The following ARSD variants were observed in gnomAD, a reference collection of about 807,000 sequenced individuals.
The protein encoded by ARSD is testis tissue sperm-binding protein Li 39a.
ARSD carries 21 observed loss-of-function variants against 32.6 expected under a neutral mutation model. The observed-to-expected ratio is 0.64, with a 90% CI of 0.46 to 0.93. The LOEUF is 0.93. Among genes scored for constraint, ARSD ranks in the 40% least tolerant of loss-of-function variants. The pLI is 0.00. For synonymous variants in ARSD, 224 were observed against 237.4 expected (o/e 0.94, Z 0.52); for missense variants, 454 against 520.9 (o/e 0.87, Z 1.25).
At chrX:2,914,440 A>T in intron 6 of ARSD, 5 of 557,668 alleles carry the variant, frequency 9.0e-6, no homozygotes, top group Non-Finnish European at 9.1e-6. Flanking sequence ...GCGTCTCACT[A>T]TGTTGCCCAG....
Position 2,925,728 on chromosome X carries a change from G to C in ARSD, c.82C>G (p.Leu28Val). 8.3e-7 allele frequency: 1 copy of C among 1,211,202 alleles called. No homozygotes were observed. Among genetic ancestry groups the C allele is most frequent in the Non-Finnish European group, 1.1e-6 (1 of 895,174 alleles). The change falls in exon 2 of 10, where the codon CTG becomes GTG. Residue 28 changes from leucine to valine, a missense_variant. Transcript: ENST00000381154. ...GCAGTTTTAGGTTCACACGTCTTCA[G>C]AAGCAAGCATAAAAACAGTAGCACC... is the stretch of plus-strand genomic sequence containing the variant. ...LPVLLFLCLL[L>V]KTCEPKTANA... is the part of the protein sequence containing the mutation.
rs191553560 is a variant in ARSD at position 2,912,197 on chromosome X, A to G, written c.1001-1404T>C. On this transcript the variant is annotated intron_variant, in intron 6 of 9. Coordinates refer to ENST00000381154, the MANE Select transcript of ARSD (RefSeq NM_001669.4). ...TTAAGTCTGATAAGAAACATTTACC[A>G]TGTATTCTCTCTGAAGCCTGCTACC... 9.8e-5 allele frequency among the ~76,000 whole-genome samples: 11 copies of G among 111,863 alleles called. No individual in the cohort carries two copies. The East Asian group carries it at 3.1e-3, about 31-fold the overall frequency.
intron 5 of ARSD, among the ~76,000 whole-genome samples, chrX:2,917,283 G>A (rs1379723986): frequency 9.2e-6 from 1 of 109,269 alleles, no homozygotes; most frequent in Non-Finnish European, 1.9e-5. Context: ...ATCCAATGGC[G>A]TGTATGTCAA....
chrX:2,909,532 A>G (rs1023942751), intron 8 of ARSD, among the ~76,000 whole-genome samples: 1 of 109,203 alleles, frequency 9.2e-6, no homozygotes, highest in Non-Finnish European at 1.9e-5. Context: ...ACATGGCCAC[A>G]TGGGTAAAGG....
At chrX:2,910,844 C>A in intron 6 of ARSD, 51 bp from the exon 7 acceptor site, 1 of 1,172,103 alleles carries the variant, frequency 8.5e-7, no homozygotes, top group Non-Finnish European at 1.1e-6. Context: ...GCAGCATCCA[C>A]TAGTTCAATG....
chrX:2,907,487 G>A lies in ARSD; in HGVS notation c.1566C>T (p.Asp522=), dbSNP rs2088861541. The A allele has an allele frequency of 8.3e-7, 1 of 1,205,899 alleles. No individual in the cohort carries two copies. Among genetic ancestry groups the A allele is most frequent in the Admixed American group, 2.2e-5 (1 of 45,360 alleles). Residue 522 remains aspartate, a synonymous_variant, in exon 10 of 10, where the codon GAC becomes GAT. Transcript: ENST00000381154. ...GGGTCAGGGGCCGTGCCTCGGAGGG[G>A]TCCCTGGAGAGGTCAAAGAGCAAAG... ...RPPLLFDLSR[D]PSEARPLTPD...
chrX:2,905,997 T>G lies in ARSD; in HGVS notation c.*1274A>C, dbSNP rs1444382441. ...TGACACTGTGGCAGCCATACTGGCATAATGAGGCCAACTCTCTGCCATGCT... is the reference window on the plus strand; with the variant it reads ...TGACACTGTGGCAGCCATACTGGCAGAATGAGGCCAACTCTCTGCCATGCT... On this transcript the variant is annotated 3_prime_UTR_variant, in exon 10 of 10. Coordinates refer to ENST00000381154, the MANE Select transcript of ARSD (RefSeq NM_001669.4). 1.8e-5 allele frequency: 2 copies of G among 112,237 alleles called. No individual in the cohort carries two copies. Among genetic ancestry groups the G allele is most frequent in the African/African-American group, 6.5e-5 (2 of 30,873 alleles). 9.2% of individuals were successfully genotyped at this position (112,237 alleles called of 1,213,427 possible).
chrX:2,916,816 G>C (rs2088965341), intron 5 of ARSD, among the ~76,000 whole-genome samples: 1 of 111,620 alleles, frequency 9.0e-6, no homozygotes, highest in African/African-American at 3.3e-5. Context: ...TAGCAGAGTA[G>C]GGTGACCAAA....
intron 4 of ARSD, among the ~76,000 whole-genome samples, chrX:2,918,838 G>A (rs1230745363): frequency 2.7e-5 from 3 of 112,332 alleles, no homozygotes; most frequent in Admixed American, 9.5e-5. Flanking sequence ...GACTTCTACA[G>A]TATAAAGCAC....
At chrX:2,918,379 G>A (rs772489873) in intron 4 of ARSD, 152 bp from the exon 5 acceptor site, 4 of 517,173 alleles carry the variant, frequency 7.7e-6, no homozygotes, top group Non-Finnish European at 1.2e-5. Flanking sequence ...TTGGATACCT[G>A]TGTTTAAATG....
intron 1 of ARSD, among the ~76,000 whole-genome samples, chrX:2,927,592 G>T (rs1227372339): frequency 4.5e-5 from 5 of 111,559 alleles, no homozygotes; most frequent in African/African-American, 6.5e-5. Context: ...CTCGCCTGGC[G>T]GGAAAATCCT....
In ARSD at chrX:2,909,886, T is replaced by C; in HGVS notation, c.1229A>G (p.Glu410Gly). ...GVLPAGRVIG[E>G]PTSLMDVFPT... is the part of the protein sequence containing the mutation. ...GAACACGTCCATCAGGCTCGTGGGC[T>C]CTCCAATCACTCGGCCGGCCGGGAG... The change falls in exon 8 of 10, where the codon GAG (glutamate) becomes GGG (glycine). Residue 410 changes from glutamate (E) to glycine (G), a missense_variant. Transcript: ENST00000381154. 8.3e-7 allele frequency: 1 copy of C among 1,210,296 alleles called. No individual in the cohort carries two copies. The highest frequency in any genetic ancestry group is 1.8e-5 in the South Asian group (1 of 56,852).
chrX:2,929,321 G>A lies in ARSD; in HGVS notation c.-46C>T. Reference sequence around the variant, plus strand: ...CGCAGGACCTTGCCCTGCGCACTCCGCGCCCGGGCGCCGCTAGTGCCAAGG... The same window carrying A: ...CGCAGGACCTTGCCCTGCGCACTCCACGCCCGGGCGCCGCTAGTGCCAAGG... On this transcript the variant is annotated 5_prime_UTR_variant, in exon 1 of 10. Coordinates refer to ENST00000381154, the MANE Select transcript of ARSD (RefSeq NM_001669.4). The A allele has an allele frequency of 1.1e-6, 1 of 922,360 alleles. No individual in the cohort carries two copies. Among genetic ancestry groups the A allele is most frequent in the Non-Finnish European group, 1.4e-6 (1 of 739,597 alleles). 76.0% of individuals were successfully genotyped at this position (922,360 alleles called of 1,213,427 possible). A position where few individuals can be genotyped will look rare whatever the true frequency, so the allele number is the denominator to read the frequency against.
chrX:2,913,357 T>TG (rs1363301336), intron 6 of ARSD: 2 of 166,715 alleles, frequency 1.2e-5, no homozygotes, highest in African/African-American at 3.2e-5. Flanking sequence ...ATGTTCATGC[T>TG]GCGGGGGGTA....
At position 2,909,961 on chromosome X, in the gene ARSD, C is replaced by T; in HGVS notation, c.1154G>A (p.Gly385Glu). 1 of 1,210,978 alleles carries T rather than the reference C, an allele frequency of 8.3e-7. No homozygotes were observed. The highest frequency in any genetic ancestry group is 1.1e-6 in the Non-Finnish European group (1 of 895,359). The change falls in exon 8 of 10, where the codon GGA (glycine) becomes GAA (glutamate). Residue 385 changes from glycine to glutamate, a missense_variant. By Grantham distance (98) the Gly-to-Glu change is moderately conservative. Coordinates refer to ENST00000381154, the MANE Select transcript of ARSD (RefSeq NM_001669.4). ...GIYKGGKGMG[G>E]WEGGIRVPGI... is the part of the protein sequence containing the mutation. ...GGGCACGCGGATCCCACCTTCCCAT[C>T]CTCCCATGCCCTTCCCACCTGTAAG... is the stretch of plus-strand genomic sequence containing the variant.
At position 2,918,010 on chromosome X, in the gene ARSD, G is replaced by C. The variant is rs774691255; in HGVS notation, c.657C>G (p.Thr219=). The part of the protein sequence containing the change: ...LGILTLAAGQ[T]CGFFSVSARA... ...TCGCGGAGACAGAGAAGAAACCGCA[G>C]GTCTGGCCGGCAGCCAGGGTGAGAA... Residue 219 remains threonine (T), a synonymous_variant, in exon 5 of 10, where the codon ACC becomes ACG. Coordinates refer to ENST00000381154, the MANE Select transcript of ARSD (RefSeq NM_001669.4). 1 of 1,207,427 alleles carries C rather than the reference G, an allele frequency of 8.3e-7. No individual in the cohort carries two copies. The highest frequency in any genetic ancestry group is 1.1e-6 in the Non-Finnish European group (1 of 893,151).
chrX:2,918,479 G>C lies in ARSD; in HGVS notation c.440-252C>G, dbSNP rs553851012. On this transcript the variant is annotated intron_variant, in intron 4 of 9. Coordinates refer to ENST00000381154, the MANE Select transcript of ARSD (RefSeq NM_001669.4). ...AGGTTTAAGACTTTCGGCCGGGCGCGGTGGCTCACGCCTGTAATCCCAGCC... is the reference window on the plus strand; with the variant it reads ...AGGTTTAAGACTTTCGGCCGGGCGCCGTGGCTCACGCCTGTAATCCCAGCC... Among the ~76,000 whole-genome samples the C allele has an allele frequency of 1.4e-4, 16 of 112,407 alleles. No individual in the cohort carries two copies. The South Asian group carries it at 5.5e-3, about 38-fold the overall frequency.
chrX:2,907,698 G>T (rs1026519533), intron 9 of ARSD, 66 bp from the exon 10 acceptor site: 100 of 1,082,202 alleles, frequency 9.2e-5, no homozygotes, highest in Non-Finnish European at 1.1e-4. Flanking sequence ...CAGAACGCAG[G>T]TGTCGGCCCT....
chrX:2,912,020 G>C (rs2088906698), intron 6 of ARSD, among the ~76,000 whole-genome samples: 1 of 111,935 alleles, frequency 8.9e-6, no homozygotes, highest in African/African-American at 3.3e-5. Context: ...CTTGTATGTA[G>C]TCCTAGCTAC....
Sources: gnomAD v4.1 joint callset for allele counts (sites outside exome capture counted in the v4.1 genomes callset) on GRCh38, gnomAD v4.1.1 for gene constraint, MANE v1.5 for transcripts, NCBI Gene and HGNC (gene_info 2026-07-23, HGNC 2026-07-21) for gene names.